The following LANCL2 variants were observed in gnomAD, a reference collection of about 807,000 sequenced individuals.
The protein encoded by LANCL2 is lanC-like protein 2.
In LANCL2, 33 loss-of-function variants were observed where a neutral mutation model predicts 56.9. The observed-to-expected ratio is 0.58, with a 90% CI of 0.44 to 0.78. The LOEUF is 0.78. Among genes scored for constraint, LANCL2 ranks in the 30% least tolerant of loss-of-function variants. LANCL2 has a pLI of 0.00. For missense variants in LANCL2, 562 were observed against 580.2 expected (o/e 0.97, Z 0.32); for synonymous variants, 233 against 228.2 (o/e 1.02, Z -0.19).
At position 55,432,861 on chromosome 7, in the gene LANCL2, A is replaced by G. The variant is rs1790746371; in HGVS notation, c.*1541A>G. On this transcript the variant is annotated 3_prime_UTR_variant, in exon 9 of 9. Coordinates refer to ENST00000254770, the MANE Select transcript of LANCL2 (RefSeq NM_018697.4). ...AGATTGATGACTTCTGTGAATAGAA[A>G]TCATCCTGATCCTATTTTACCTGGC... 1 of 152,206 alleles carries G rather than the reference A, an allele frequency of 6.6e-6. No individual in the cohort carries two copies. The highest frequency in any genetic ancestry group is 2.4e-5 in the African/African-American group (1 of 41,440). The allele number at this position is 152,206 out of a possible 1,614,324, so 9.4% of individuals were successfully genotyped here. A position where few individuals can be genotyped will look rare whatever the true frequency, so the allele number is the denominator to read the frequency against.
intron 1 of LANCL2, among the ~76,000 whole-genome samples, chr7:55,386,624 T>C (rs185970347): frequency 5.3e-5 from 8 of 152,332 alleles, no homozygotes; most frequent in African/African-American, 1.9e-4. Flanking sequence ...AGACGGACTT[T>C]AGCTTATCCG....
chr7:55,402,595 C>CGG (rs536359185), intron 5 of LANCL2, among the ~76,000 whole-genome samples: 1 of 101,462 alleles, frequency 9.9e-6, no homozygotes, highest in African/African-American at 4.2e-5. Context: ...GCTGGCCAGG[C>CGG]GGGGGATGAC....
At chr7:55,416,982 T>TTTTTTTTTG in intron 6 of LANCL2, among the ~76,000 whole-genome samples, 5 of 137,676 alleles carry the variant, frequency 3.6e-5, no homozygotes, top group Non-Finnish European at 6.3e-5. Context: ...TTTTTTTTTT[T>TTTTTTTTTG]TTTTTTTTTT....
chr7:55,386,808 T>C (rs555225049), intron 1 of LANCL2, among the ~76,000 whole-genome samples: 1 of 152,156 alleles, frequency 6.6e-6, no homozygotes, highest in African/African-American at 2.4e-5. Context: ...CTAGGATTGT[T>C]AGTTGGTTGA....
intron 6 of LANCL2, among the ~76,000 whole-genome samples, chr7:55,421,339 CTTTT>C (rs11416515): frequency 9.6e-6 from 1 of 104,646 alleles, no homozygotes; most frequent in Non-Finnish European, 1.8e-5. Context: ...TCTGTTGACT[CTTTT>C]TTTTTTTTTT....
chr7:55,428,266 A>G, intron 7 of LANCL2, 109 bp from the exon 8 acceptor site: 1 of 938,620 alleles, frequency 1.1e-6, no homozygotes, highest in Non-Finnish European at 1.7e-6. Flanking sequence ...TGAATGCCCT[A>G]CAGCTGGGGG....
chr7:55,379,921 T>C (rs899884014), intron 1 of LANCL2: 1 of 152,266 alleles, frequency 6.6e-6, no homozygotes, highest in Non-Finnish European at 1.5e-5. Context: ...ACTGTGTTTT[T>C]TGGTGTGCCA....
intron 6 of LANCL2, among the ~76,000 whole-genome samples, chr7:55,421,928 C>T (rs115093193): frequency 0.014 from 2,087 of 152,192 alleles, 49 homozygotes; most frequent in African/African-American, 0.048. Context: ...ACAGGGTCCT[C>T]ACTATGTTGC....
rs1174223903 is a variant in LANCL2 at position 55,365,746 on chromosome 7, G to C, written c.-280G>C. 3.1e-6 allele frequency: 1 copy of C among 322,684 alleles called. No homozygotes were observed. Among genetic ancestry groups the C allele is most frequent in the Non-Finnish European group, 5.7e-6 (1 of 176,876 alleles). 20.0% of individuals were successfully genotyped at this position (322,684 alleles called of 1,614,324 possible). A position where few individuals can be genotyped will look rare whatever the true frequency, so the allele number is the denominator to read the frequency against. On this transcript the variant is annotated 5_prime_UTR_variant, in exon 1 of 9. Coordinates refer to ENST00000254770, the MANE Select transcript of LANCL2 (RefSeq NM_018697.4). ...AGGCGCGAGCAGGCTGTGAGCCGCTGGGCGCTCCCGCGAGCCCGCTCCTCT... is the reference window on the plus strand; with the variant it reads ...AGGCGCGAGCAGGCTGTGAGCCGCTCGGCGCTCCCGCGAGCCCGCTCCTCT...
At chr7:55,380,030 AC>A (rs1790048697) in intron 1 of LANCL2, among the ~76,000 whole-genome samples, 1 of 152,214 alleles carries the variant, frequency 6.6e-6, no homozygotes, top group South Asian at 2.1e-4. Flanking sequence ...AAGGTATTTT[AC>A]CACCATGGTT....
intron 6 of LANCL2, among the ~76,000 whole-genome samples, chr7:55,420,455 G>A (rs191186196): frequency 3.9e-5 from 6 of 152,314 alleles, no homozygotes; most frequent in Admixed American, 3.3e-4. Context: ...TTACTTAGAT[G>A]TATTTTATGG....
chr7:55,403,569 GTTTTTTTTTTTT>G (rs34481346), intron 5 of LANCL2, among the ~76,000 whole-genome samples: 2 of 99,486 alleles, frequency 2.0e-5, no homozygotes, highest in Admixed American at 2.1e-4. Context: ...TTTGTTTGTT[GTTTTTTTTTTTT>G]TTTTTTTTGA....
intron 1 of LANCL2, among the ~76,000 whole-genome samples, chr7:55,389,569 T>C (rs7787704): frequency 0.023 from 3,518 of 152,296 alleles, 150 homozygotes; most frequent in African/African-American, 0.08. Context: ...TTGATACTTA[T>C]GTTAATTAAT....
chr7:55,404,923 T>C (rs1269132005), intron 5 of LANCL2, among the ~76,000 whole-genome samples: 3 of 152,240 alleles, frequency 2.0e-5, no homozygotes, highest in Non-Finnish European at 4.4e-5. Flanking sequence ...TGCAGGTACA[T>C]GCTTTCAAAG....
At chr7:55,381,434 A>G (rs1790067602) in intron 1 of LANCL2, among the ~76,000 whole-genome samples, 1 of 152,212 alleles carries the variant, frequency 6.6e-6, no homozygotes, top group Non-Finnish European at 1.5e-5. Context: ...ATTCTGAACA[A>G]TGCGTGTCTG....
chr7:55,375,618 C>T (rs747224417), intron 1 of LANCL2, among the ~76,000 whole-genome samples: 1 of 152,204 alleles, frequency 6.6e-6, no homozygotes, highest in African/African-American at 2.4e-5. Flanking sequence ...ACCAATTTTG[C>T]AGTTTAAAGC....
At chr7:55,373,062 A>C (rs920734435) in intron 1 of LANCL2, among the ~76,000 whole-genome samples, 1 of 152,158 alleles carries the variant, frequency 6.6e-6, no homozygotes, top group African/African-American at 2.4e-5. Context: ...GGGCCTCAGC[A>C]AGATTGAAAA....
intron 5 of LANCL2, among the ~76,000 whole-genome samples, chr7:55,409,428 A>C (rs925796020): frequency 1.1e-4 from 16 of 152,188 alleles, no homozygotes; most frequent in African/African-American, 3.9e-4. Context: ...CTAACGTTGC[A>C]TTCTGCCCAG....
intron 6 of LANCL2, among the ~76,000 whole-genome samples, chr7:55,415,269 G>A (rs983015860): frequency 6.6e-6 from 1 of 152,210 alleles, no homozygotes; most frequent in East Asian, 1.9e-4. Context: ...CCCCACCAGG[G>A]TGACACGAGT....
Sources: allele counts gnomAD v4.1 joint callset (sites outside exome capture counted in the v4.1 genomes callset), GRCh38; gene constraint gnomAD v4.1.1; transcripts MANE v1.5; gene names NCBI Gene and HGNC (gene_info 2026-07-23, HGNC 2026-07-21).